The following SLC37A3 variants were observed in gnomAD, a reference collection of about 807,000 sequenced individuals.
The protein encoded by SLC37A3 is sugar phosphate exchanger 3.
A neutral mutation model predicts 67.1 loss-of-function variants in SLC37A3; 51 were observed. The observed-to-expected ratio is 0.76, with a 90% confidence interval of 0.61 to 0.96. The LOEUF (loss-of-function observed/expected upper bound fraction) is 0.96, where lower values mean the gene tolerates loss of function less well. SLC37A3 is among the 40% of genes least tolerant of loss of function. The pLI, the probability that SLC37A3 is intolerant of heterozygous loss-of-function variation, is 0.00. For synonymous variants in SLC37A3, 214 were observed against 231.4 expected (o/e 0.92, Z 0.68); for missense variants, 508 against 603.0 (o/e 0.84, Z 1.65).
At chr7:140,362,393 G>GT in intron 5 of SLC37A3, among the ~76,000 whole-genome samples, 1 of 135,644 alleles carries the variant, frequency 7.4e-6, no homozygotes. Context: ...TCTCCGCCCG[G>GT]CAGCCGCCCC....
At position 140,364,403 on chromosome 7, in the gene SLC37A3, C is replaced by T; in HGVS notation, c.375+5G>A. On this transcript the variant is annotated splice_donor_5th_base_variant and intron_variant, in intron 5 of 14. Coordinates refer to ENST00000326232, the MANE Select transcript of SLC37A3 (RefSeq NM_207113.3). ...AAATAATAATAATAAGACCTTTCAA[C>T]TTACCACTAATGCAGAAGAGCACAT... 1 of 1,612,176 alleles carries T rather than the reference C, an allele frequency of 6.2e-7. No homozygotes were observed.
intron 13 of SLC37A3, among the ~76,000 whole-genome samples, chr7:140,340,030 G>A (rs74799352): frequency 0.051 from 7,713 of 152,166 alleles, 214 homozygotes; most frequent in Non-Finnish European, 0.071. Context: ...AAGCCACCGC[G>A]CCCGGCCCTT....
intron 7 of SLC37A3, among the ~76,000 whole-genome samples, chr7:140,354,634 C>T (rs12703783): frequency 0.41 from 62,890 of 151,808 alleles, 13,354 homozygotes; most frequent in Non-Finnish European, 0.46. Flanking sequence ...ACATGCTTTA[C>T]ATGAGCTATA....
chr7:140,359,495 TG>T (rs1282032413), intron 5 of SLC37A3, among the ~76,000 whole-genome samples: 1 of 152,142 alleles, frequency 6.6e-6, no homozygotes, highest in Non-Finnish European at 1.5e-5. Context: ...CAGTGCCAGG[TG>T]CTGCTATGGG....
intron 5 of SLC37A3, among the ~76,000 whole-genome samples, chr7:140,360,824 A>C (rs1245860532): frequency 1.3e-5 from 2 of 151,744 alleles, no homozygotes; most frequent in African/African-American, 2.4e-5. Flanking sequence ...CACAGTCCTC[A>C]CTGCCACCCG....
intron 1 of SLC37A3, among the ~76,000 whole-genome samples, chr7:140,398,203 A>C (rs1585399115): frequency 6.6e-6 from 1 of 151,140 alleles, no homozygotes; most frequent in East Asian, 2.0e-4. Context: ...CTCCCCATCC[A>C]CCCCATCGCA....
intron 8 of SLC37A3, 111 bp from the exon 9 acceptor site, chr7:140,351,562 C>T: frequency 8.4e-7 from 1 of 1,188,292 alleles, no homozygotes; most frequent in Non-Finnish European, 1.2e-6. Flanking sequence ...TTTACAGAAG[C>T]AGCAACGAAG....
chr7:140,358,515 C>CT (rs1797126864), intron 6 of SLC37A3, 125 bp downstream of exon 6: 1 of 1,342,828 alleles, frequency 7.4e-7, no homozygotes, highest in Non-Finnish European at 1.0e-6. Context: ...CTGAACAACT[C>CT]TGACTTGCTA....
At chr7:140,372,492 A>G (rs941369691) in intron 3 of SLC37A3, among the ~76,000 whole-genome samples, 1 of 152,242 alleles carries the variant, frequency 6.6e-6, no homozygotes, top group Non-Finnish European at 1.5e-5. Flanking sequence ...CCAAGGTAGT[A>G]ATGCCAAACA....
At chr7:140,336,870 G>A (rs1375553426) in intron 14 of SLC37A3, among the ~76,000 whole-genome samples, 3 of 149,746 alleles carry the variant, frequency 2.0e-5, no homozygotes, top group Non-Finnish European at 4.5e-5. Context: ...AGGCCGAGTC[G>A]GGTGGATCAC....
chr7:140,337,305 A>C lies in SLC37A3; in HGVS notation c.1371T>G (p.Val457=). The C allele has an allele frequency of 1.9e-6, 3 of 1,600,678 alleles. No homozygotes were observed. Residue 457 remains valine, a synonymous_variant, in exon 14 of 15, where the codon GTT becomes GTG. Transcript: ENST00000326232. ...LIRDKLGWMW[V]FYFFILMTSC... ...TTACCATGAGAATGAAAAAGTAGAA[A>C]ACCCACATCCATCCTAGCTTGTCCC...
Position 140,363,131 on chromosome 7 carries a change from C to T in SLC37A3, c.375+1277G>A, listed in dbSNP as rs1333681716. 5.7e-5 allele frequency among the ~76,000 whole-genome samples: 5 copies of T among 87,344 alleles called. No individual in the cohort carries two copies. The East Asian group carries it at 1.1e-3, about 19-fold the overall frequency. 57.3% of individuals were successfully genotyped at this position (87,344 alleles called of 152,430 possible). On this transcript the variant is annotated intron_variant, in intron 5 of 14. Coordinates refer to ENST00000326232, the MANE Select transcript of SLC37A3 (RefSeq NM_207113.3). ...CCGGGAGGTGAGGGGCGCTTCTGCC[C>T]GGCCGCCCCTACTGGGAAGTGAGGA...
intron 1 of SLC37A3, among the ~76,000 whole-genome samples, chr7:140,397,614 A>G (rs1049765381): frequency 1.3e-5 from 2 of 152,328 alleles, no homozygotes; most frequent in African/African-American, 4.8e-5. Flanking sequence ...GCACCAAAGC[A>G]CTGAAGACAT....
intron 3 of SLC37A3, among the ~76,000 whole-genome samples, chr7:140,371,580 C>T (rs1410911778): frequency 2.0e-5 from 3 of 152,128 alleles, no homozygotes; most frequent in African/African-American, 7.2e-5. Context: ...AGAATAAGAA[C>T]CAAGTCTTAC....
intron 3 of SLC37A3, among the ~76,000 whole-genome samples, chr7:140,372,636 G>A (rs181202393): frequency 5.9e-5 from 9 of 152,218 alleles, no homozygotes. Flanking sequence ...GCCGAGGAGG[G>A]CGGATCACTT....
rs745888490 is a variant in SLC37A3, at chr7:140,382,432, G to A, written c.89+6C>T. 2.5e-6 allele frequency: 4 copies of A among 1,613,346 alleles called. No individual in the cohort carries two copies. The highest frequency in any genetic ancestry group is 8.5e-7 in the Non-Finnish European group (1 of 1,179,524). ...AGCAGGAGAGCAGCTTTGGCAACAT[G>A]CTTACCTGAAGAAAGTGAGCAGGAA... On this transcript the variant is annotated splice_donor_region_variant and intron_variant, in intron 2 of 14. Coordinates refer to ENST00000326232, the MANE Select transcript of SLC37A3 (RefSeq NM_207113.3).
Position 140,345,894 on chromosome 7 carries a change from T to C in SLC37A3, c.1101A>G (p.Ala367=). Residue 367 remains alanine, a synonymous_variant, in exon 11 of 15, where the codon GCA becomes GCG. Transcript: ENST00000326232. ...APVLALSLLL[A]VGSLIGYSRS... is the part of the protein sequence containing the mutation. The stretch of plus-strand genomic sequence containing the variant: ...GACTATACCCGATGAGGGACCCAAC[T>C]GCCAGAAGCAGACTCAGGGCAAGAA... 2 of 1,613,952 alleles carry C rather than the reference T, an allele frequency of 1.2e-6. No individual in the cohort carries two copies. Among genetic ancestry groups the C allele is most frequent in the Non-Finnish European group, 1.7e-6 (2 of 1,179,914 alleles).
chr7:140,348,457 CTTT>C (rs1796658463), intron 10 of SLC37A3, 166 bp downstream of exon 10: 57 of 634,430 alleles, frequency 9.0e-5, no homozygotes, highest in Non-Finnish European at 1.0e-4. Flanking sequence ...CTTTTCTTTT[CTTT>C]TCTTTTTTTT....
At chr7:140,342,677 C>T (rs1184512436) in intron 13 of SLC37A3, among the ~76,000 whole-genome samples, 1 of 146,608 alleles carries the variant, frequency 6.8e-6, no homozygotes, top group Admixed American at 6.8e-5. Flanking sequence ...TGAATTTATG[C>T]AAAAAAAAAA....
Sources: gnomAD v4.1 joint callset for allele counts (sites outside exome capture counted in the v4.1 genomes callset) on GRCh38, gnomAD v4.1.1 for gene constraint, MANE v1.5 for transcripts, NCBI Gene and HGNC (gene_info 2026-07-23, HGNC 2026-07-21) for gene names.